Variants in TACR3 observed in about 807,000 individuals in gnomAD.
The protein encoded by TACR3 is tachykinin receptor 3, also known as neuromedin-K receptor.
TACR3 carries 34 observed loss-of-function variants against 35.0 expected under a neutral mutation model. That is an observed-to-expected ratio of 0.97 (90% CI 0.74 to 1.30). The LOEUF (loss-of-function observed/expected upper bound fraction) is 1.30. TACR3 is among the 50% of genes most tolerant of loss of function. The pLI is 0.00. For synonymous variants in TACR3, 233 were observed against 221.1 expected (o/e 1.05, Z -0.48); for missense variants, 558 against 591.7 (o/e 0.94, Z 0.59).
chr4:103,707,268 A>C (rs1722816263), intron 1 of TACR3, among the ~76,000 whole-genome samples: 1 of 151,966 alleles, frequency 6.6e-6, no homozygotes, highest in Admixed American at 6.6e-5. Context: ...CTAATTTTAC[A>C]TACTTTTTTG....
In TACR3 at chr4:103,588,226, TGTTA is replaced by T. The variant is rs1723815171; in HGVS notation, c.*1452_*1455del. 2 of 152,294 alleles carry T rather than the reference TGTTA, an allele frequency of 1.3e-5. No homozygotes were observed. Among genetic ancestry groups the T allele is most frequent in the South Asian group, 4.1e-4 (2 of 4,828 alleles). 9.4% of individuals were successfully genotyped at this position (152,294 alleles called of 1,614,324 possible). Reference sequence around the variant, plus strand: ...GGTGGAGGCACAACAGTAAAGTGTTTGTTAGAGAGTATTATTTTAGACAAATATC... The same window carrying T: ...GGTGGAGGCACAACAGTAAAGTGTTTGAGAGTATTATTTTAGACAAATATC... On this transcript the variant is annotated 3_prime_UTR_variant, in exon 5 of 5. Coordinates refer to ENST00000304883, the MANE Select transcript of TACR3 (RefSeq NM_001059.3).
intron 1 of TACR3, among the ~76,000 whole-genome samples, chr4:103,717,036 G>A (rs10013998): frequency 0.023 from 3,453 of 152,086 alleles, 133 homozygotes; most frequent in African/African-American, 0.077. Context: ...CCTCAGAAGC[G>A]TTTTCTTTAA....
intron 3 of TACR3, among the ~76,000 whole-genome samples, chr4:103,647,167 A>T (rs1269943264): frequency 8.6e-5 from 13 of 151,912 alleles, no homozygotes; most frequent in Admixed American, 8.5e-4. Flanking sequence ...TTTAAAATTC[A>T]ACTTTTCATA....
intron 3 of TACR3, among the ~76,000 whole-genome samples, chr4:103,648,464 T>A (rs1725506224): frequency 6.6e-6 from 1 of 151,982 alleles, no homozygotes; most frequent in Non-Finnish European, 1.5e-5. Context: ...CTCTGGGACC[T>A]TCCTTCTACT....
intron 1 of TACR3, among the ~76,000 whole-genome samples, chr4:103,708,098 C>G (rs28804477): frequency 0.045 from 6,841 of 152,250 alleles, 527 homozygotes; most frequent in African/African-American, 0.15. Flanking sequence ...GAACAAAAGG[C>G]AGCAGAATCC....
intron 3 of TACR3, among the ~76,000 whole-genome samples, chr4:103,616,613 C>A (rs1480589131): frequency 2.6e-5 from 4 of 152,004 alleles, no homozygotes; most frequent in African/African-American, 7.2e-5. Context: ...TATCCTAAAA[C>A]CAAGGGCAAA....
chr4:103,651,594 G>A (rs761680558), intron 3 of TACR3, among the ~76,000 whole-genome samples: 12 of 151,898 alleles, frequency 7.9e-5, no homozygotes, highest in Non-Finnish European at 1.8e-4. Context: ...TTGTGGCTGA[G>A]CTGGTACTTA....
In TACR3 at chr4:103,591,525, G is replaced by C. The variant is rs746408195; in HGVS notation, c.1047C>G (p.Thr349=). Residue 349 remains threonine, a synonymous_variant, in exon 4 of 5, where the codon ACC becomes ACG. Coordinates refer to ENST00000304883, the MANE Select transcript of TACR3 (RefSeq NM_001059.3). The stretch of plus-strand genomic sequence containing the variant: ...AGCAGTAGATGATGGGATTGTACAT[G>C]GTTGAGCTCATTGCCAGCCAAAAGC... ...LASFWLAMSS[T]MYNPIIYCCL... is the part of the protein sequence containing the mutation. 1 of 1,613,858 alleles carries C rather than the reference G, an allele frequency of 6.2e-7. No individual in the cohort carries two copies. Among genetic ancestry groups the C allele is most frequent in the South Asian group, 1.1e-5 (1 of 91,084 alleles).
chr4:103,696,739 G>C (rs544011278), intron 1 of TACR3, among the ~76,000 whole-genome samples: 1 of 152,086 alleles, frequency 6.6e-6, no homozygotes, highest in South Asian at 2.1e-4. Context: ...ATTCCCTCAG[G>C]CTGCGAATCT....
At chr4:103,629,794 A>T (rs1289664509) in intron 3 of TACR3, among the ~76,000 whole-genome samples, 15 of 148,378 alleles carry the variant, frequency 1.0e-4, no homozygotes, top group African/African-American at 3.5e-4. Context: ...AAACTACTTT[A>T]TAGTTCATAT....
chr4:103,713,019 T>G (rs576967950), intron 1 of TACR3, among the ~76,000 whole-genome samples: 2 of 152,264 alleles, frequency 1.3e-5, no homozygotes, highest in South Asian at 4.1e-4. Context: ...ACTTTTACAT[T>G]GTTGGTGGAA....
At chr4:103,615,790 T>TA (rs1393456681) in intron 3 of TACR3, among the ~76,000 whole-genome samples, 1 of 152,236 alleles carries the variant, frequency 6.6e-6, no homozygotes, top group Non-Finnish European at 1.5e-5. Context: ...TTCTTAACTG[T>TA]AATATATAGA....
intron 1 of TACR3, among the ~76,000 whole-genome samples, chr4:103,685,441 C>A (rs185537882): frequency 7.2e-5 from 11 of 152,152 alleles, no homozygotes; most frequent in Admixed American, 3.3e-4. Context: ...ATCTTTGTAA[C>A]CTGGACATAG....
At chr4:103,676,350 T>C (rs886989888) in intron 1 of TACR3, among the ~76,000 whole-genome samples, 4 of 152,124 alleles carry the variant, frequency 2.6e-5, no homozygotes, top group African/African-American at 9.7e-5. Flanking sequence ...TATCATAACG[T>C]TAAAATTACA....
chr4:103,665,824 T>G (rs1725927576), intron 1 of TACR3, among the ~76,000 whole-genome samples: 2 of 152,170 alleles, frequency 1.3e-5, no homozygotes, highest in African/African-American at 4.8e-5. Flanking sequence ...CTGTCACTAT[T>G]CTTAAATCAG....
intron 3 of TACR3, among the ~76,000 whole-genome samples, chr4:103,601,850 G>A (rs1429119771): frequency 6.6e-6 from 1 of 152,136 alleles, no homozygotes; most frequent in Non-Finnish European, 1.5e-5. Flanking sequence ...TGGTGAATCT[G>A]ACAATTATGT....
At chr4:103,642,955 C>G (rs575301821) in intron 3 of TACR3, among the ~76,000 whole-genome samples, 62 of 151,800 alleles carry the variant, frequency 4.1e-4, no homozygotes, top group Admixed American at 7.2e-4. Flanking sequence ...AATTATGTAT[C>G]AATATGAAAT....
chr4:103,601,647 C>T (rs1724204963), intron 3 of TACR3, among the ~76,000 whole-genome samples: 1 of 152,092 alleles, frequency 6.6e-6, no homozygotes, highest in Non-Finnish European at 1.5e-5. Flanking sequence ...ACTTATGAAG[C>T]TTAGTTTGGC....
chr4:103,654,244 A>G (rs1725682658), intron 3 of TACR3, among the ~76,000 whole-genome samples: 1 of 151,612 alleles, frequency 6.6e-6, no homozygotes, highest in Non-Finnish European at 1.5e-5. Flanking sequence ...AGACACATGC[A>G]CACGTATGTT....
Sources: gnomAD v4.1 joint callset for allele counts (sites outside exome capture counted in the v4.1 genomes callset) on GRCh38, gnomAD v4.1.1 for gene constraint, MANE v1.5 for transcripts, NCBI Gene and HGNC (gene_info 2026-07-23, HGNC 2026-07-21) for gene names.